The following DNAH9 variants were observed in gnomAD, a reference collection of about 807,000 sequenced individuals.
DNAH9 encodes the protein dynein axonemal heavy chain 9.
DNAH9 carries 345 observed loss-of-function variants against 471.6 expected under a neutral mutation model. The ratio of observed to expected loss-of-function variants is 0.73; its 90% CI spans 0.67 to 0.80. The LOEUF (loss-of-function observed/expected upper bound fraction) is 0.80, where lower values mean the gene tolerates loss of function less well. Among genes scored for constraint, DNAH9 ranks in the 30% least tolerant of loss-of-function variants. The pLI is 0.00. For synonymous variants in DNAH9, 2,093 were observed against 2,123.6 expected (o/e 0.99, Z 0.40); for missense variants, 5,407 against 5,609.2 (o/e 0.96, Z 1.15).
At position 11,891,700 on chromosome 17, in the gene DNAH9, C is replaced by T. The variant is rs1325749753; in HGVS notation, c.11113-77C>T. The T allele has an allele frequency of 2.7e-6, 4 of 1,487,956 alleles. No homozygotes were observed. In the African/African-American group the frequency reaches 4.2e-5, roughly 16 times the overall value. 92.2% of individuals were successfully genotyped at this position (1,487,956 alleles called of 1,614,324 possible). The stretch of plus-strand genomic sequence containing the variant: ...ATTTCTATGGGCTGGAAAACTATCA[C>T]ATTCTTCGCAGGTAAGACCACTAGT... On this transcript the variant is annotated intron_variant, in intron 57 of 68. Coordinates refer to ENST00000262442, the MANE Select transcript of DNAH9 (RefSeq NM_001372.4).
At chr17:11,941,050 A>G (rs1974888485) in intron 66 of DNAH9, among the ~76,000 whole-genome samples, 1 of 152,146 alleles carries the variant, frequency 6.6e-6, no homozygotes. Context: ...AGGCGCCCCC[A>G]TCCTGCCAGT....
Position 11,640,381 on chromosome 17 carries a change from A to C in DNAH9, c.1898A>C (p.His633Pro). ...GPFSNFGRIT[H>P]PCMESAEGKR... is the part of the protein sequence containing the mutation. The stretch of plus-strand genomic sequence containing the variant: ...TTCAGCAACTTTGGACGCATCACAC[A>C]CCCGTGAGTATTGTGTTCCTGAAAG... Residue 633 changes from histidine (H) to proline (P), a missense_variant, in exon 10 of 69, where the codon CAC (histidine) becomes CCC (proline). His to Pro is a moderately conservative substitution (Grantham distance 77). Around this residue, in one of 3 missense-constraint regions of DNAH9, gnomAD observed 4,636 missense variants for 4,900.3 expected, o/e 0.95. Transcript: ENST00000262442. 1 of 1,592,906 alleles carries C rather than the reference A, an allele frequency of 6.3e-7. No individual in the cohort carries two copies. Among genetic ancestry groups the C allele is most frequent in the African/African-American group, 1.3e-5 (1 of 74,536 alleles).
intron 49 of DNAH9, among the ~76,000 whole-genome samples, chr17:11,851,903 G>A (rs1370011590): frequency 1.3e-5 from 2 of 152,172 alleles, no homozygotes; most frequent in African/African-American, 4.8e-5. Context: ...ATATATCTGG[G>A]TTATAAAATT....
rs146500777 is a variant in DNAH9 at position 11,653,126 on chromosome 17, A to C, written c.2595+124A>C. 144 of 1,058,020 alleles carry C rather than the reference A, an allele frequency of 1.4e-4. 1 individual carries two copies. In the Admixed American group the frequency reaches 1.7e-3, roughly 13 times the overall value. The allele number at this position is 1,058,020 out of a possible 1,614,324, so 65.5% of individuals were successfully genotyped here. ...AGTGTCTTCCGAAGACAAGGATAGA[A>C]GTTTAGGCTGATAGCAAAAGACTAA... On this transcript the variant is annotated intron_variant, in intron 14 of 68. Transcript: ENST00000262442.
intron 1 of DNAH9, among the ~76,000 whole-genome samples, chr17:11,603,581 C>G (rs2072432116): frequency 6.6e-6 from 1 of 152,164 alleles, no homozygotes; most frequent in South Asian, 2.1e-4. Flanking sequence ...ATCACTCTAG[C>G]AATTTCCTCT....
In DNAH9 at chr17:11,823,141, G is replaced by A. The variant is rs560166152; in HGVS notation, c.9246+107G>A. 2.2e-5 allele frequency: 21 copies of A among 952,062 alleles called. No individual in the cohort carries two copies. In the East Asian group the frequency reaches 4.5e-4, roughly 20 times the overall value. 59.0% of individuals were successfully genotyped at this position (952,062 alleles called of 1,614,324 possible). A position where few individuals can be genotyped will look rare whatever the true frequency, so the allele number is the denominator to read the frequency against. Reference sequence around the variant, plus strand: ...CAATCAAGATCTGAAAAATATGTACGGTTTTCCAGAGACTCCCATGTCATC... The same window carrying A: ...CAATCAAGATCTGAAAAATATGTACAGTTTTCCAGAGACTCCCATGTCATC... On this transcript the variant is annotated intron_variant, in intron 48 of 68. Transcript: ENST00000262442.
At chr17:11,820,213 G>A (rs915850493) in intron 45 of DNAH9, among the ~76,000 whole-genome samples, 1 of 151,562 alleles carries the variant, frequency 6.6e-6, no homozygotes, top group Admixed American at 6.6e-5. Context: ...TATTTTCATA[G>A]TTTTTTTTCT....
At chr17:11,775,846 G>A (rs1009317835) in intron 38 of DNAH9, among the ~76,000 whole-genome samples, 2 of 151,938 alleles carry the variant, frequency 1.3e-5, no homozygotes, top group Admixed American at 6.6e-5. Context: ...CCCGCCTCGG[G>A]CTCCCAAAGT....
At chr17:11,733,463 G>A (rs2075299137) in intron 28 of DNAH9, among the ~76,000 whole-genome samples, 1 of 152,212 alleles carries the variant, frequency 6.6e-6, no homozygotes, top group African/African-American at 2.4e-5. Context: ...TCATCCTCAT[G>A]CAAGAAATGC....
chr17:11,602,160 C>T (rs948788190), intron 1 of DNAH9, among the ~76,000 whole-genome samples: 7 of 151,914 alleles, frequency 4.6e-5, no homozygotes, highest in Non-Finnish European at 1.0e-4. Context: ...GATTTGGAAT[C>T]TCACAGACCT....
chr17:11,751,987 C>A (rs73975091), intron 32 of DNAH9, among the ~76,000 whole-genome samples: 3,297 of 152,154 alleles, frequency 0.022, 123 homozygotes, highest in African/African-American at 0.075. Context: ...GGAGAAAATT[C>A]TTTTCACAGT....
At chr17:11,811,687 C>A (rs959347830) in intron 45 of DNAH9, among the ~76,000 whole-genome samples, 2 of 152,110 alleles carry the variant, frequency 1.3e-5, no homozygotes, top group Non-Finnish European at 2.9e-5. Context: ...TTTCCTACCT[C>A]GTCTCTACCT....
rs768413540 is a variant in DNAH9 at position 11,689,719 on chromosome 17, C to A, written c.3897C>A (p.Val1299=). ...YKQLRQCRKE[V]CQLKELWDTI... ...AGCTGAGGCAGTGCAGGAAGGAGGT[C>A]TGCCAGCTGAAGGAGCTCTGGGACA... is the stretch of plus-strand genomic sequence containing the variant. Residue 1299 remains valine (V), a synonymous_variant, in exon 20 of 69, where the codon GTC becomes GTA. Transcript: ENST00000262442. 6.2e-7 allele frequency: 1 copy of A among 1,614,090 alleles called. No homozygotes were observed. Among genetic ancestry groups the A allele is most frequent in the Non-Finnish European group, 8.5e-7 (1 of 1,180,040 alleles).
intron 12 of DNAH9, among the ~76,000 whole-genome samples, chr17:11,649,939 C>A (rs1268419032): frequency 6.6e-6 from 1 of 152,040 alleles, no homozygotes; most frequent in African/African-American, 2.4e-5. Flanking sequence ...GTTTAAATGG[C>A]CAAATATGTT....
intron 60 of DNAH9, among the ~76,000 whole-genome samples, chr17:11,904,305 GC>G (rs1410769486): frequency 6.6e-6 from 1 of 152,128 alleles, no homozygotes; most frequent in Non-Finnish European, 1.5e-5. Flanking sequence ...TGGTGACACA[GC>G]CAGGGGAAAT....
rs375775619 is a variant in DNAH9 at position 11,598,748 on chromosome 17, C to T, written c.250C>T (p.Arg84Cys). 3.2e-4 allele frequency: 456 copies of T among 1,417,828 alleles called. 2 individuals carry two copies. The African/African-American group carries it at 5.8e-3, about 18-fold the overall frequency. 87.8% of individuals were successfully genotyped at this position (1,417,828 alleles called of 1,614,324 possible). A position where few individuals can be genotyped will look rare whatever the true frequency, so the allele number is the denominator to read the frequency against. Reference protein sequence around the residue: ...VRPGPRGLAIRPGLEVGPESG... With the variant: ...VRPGPRGLAICPGLEVGPESG... ...GCCCGGGCCCAGGGGCCTGGCAATACGCCCCGGGCTGGAGGTGGGACCTGA... is the reference window on the plus strand; with the variant it reads ...GCCCGGGCCCAGGGGCCTGGCAATATGCCCCGGGCTGGAGGTGGGACCTGA... The change falls in exon 1 of 69, where the codon CGC (arginine) becomes TGC (cysteine). Residue 84 changes from arginine to cysteine, a missense_variant. This residue lies in a region of DNAH9 where 767 missense variants were observed against 692.5 expected (regional missense o/e 1.11). Coordinates refer to ENST00000262442, the MANE Select transcript of DNAH9 (RefSeq NM_001372.4).
At chr17:11,620,037 G>T in intron 6 of DNAH9, 1 of 470,816 alleles carries the variant, frequency 2.1e-6, no homozygotes, top group South Asian at 2.7e-5. Flanking sequence ...ATGGCAAAAC[G>T]CCTTCTCTAC....
intron 27 of DNAH9, among the ~76,000 whole-genome samples, chr17:11,721,936 CAGAG>C (rs774070946): frequency 1.2e-4 from 18 of 152,060 alleles, no homozygotes; most frequent in Admixed American, 2.6e-4. Context: ...GGGTTGGTGA[CAGAG>C]AGAGCATGTG....
At position 11,807,906 on chromosome 17, in the gene DNAH9, G is replaced by A; in HGVS notation, c.8583+12G>A. The A allele has an allele frequency of 6.3e-7, 1 of 1,592,136 alleles. No individual in the cohort carries two copies. Among genetic ancestry groups the A allele is most frequent in the African/African-American group, 1.3e-5 (1 of 74,658 alleles). ...TCCAGGACTTCAAGGTAAAAGGTCAGGCAGCTGCAGGGAGGAGGCTCAGCT... is the reference window on the plus strand; with the variant it reads ...TCCAGGACTTCAAGGTAAAAGGTCAAGCAGCTGCAGGGAGGAGGCTCAGCT... On this transcript the variant is annotated intron_variant, in intron 44 of 68. Transcript: ENST00000262442.
Sources: allele counts gnomAD v4.1 joint callset (sites outside exome capture counted in the v4.1 genomes callset), GRCh38; gene constraint gnomAD v4.1.1; regional missense constraint gnomAD v4.1.1; transcripts MANE v1.5; gene names NCBI Gene and HGNC (gene_info 2026-07-23, HGNC 2026-07-21).